Variants in ZBTB18 observed in about 807,000 individuals in gnomAD.
The protein encoded by ZBTB18 is zinc finger and BTB domain-containing protein 18.
A neutral mutation model predicts 37.7 loss-of-function variants in ZBTB18; 2 were observed. The ratio of observed to expected loss-of-function variants is 0.05; its 90% CI spans 0.02 to 0.17. ZBTB18 has a LOEUF of 0.17. Ranked by LOEUF, ZBTB18 falls within the 10% of genes least tolerant of loss-of-function variation. ZBTB18 has a pLI of 1.00. For missense variants in ZBTB18, 408 were observed against 686.3 expected, an observed-to-expected ratio of 0.59 and a Z score of 4.53; for synonymous variants, 304 against 276.5, an observed-to-expected ratio of 1.10 and a Z score of -0.99.
chr1:244,048,628 G>GCCCCCCCCCCCCCC (rs1325001619), upstream of ZBTB18, among the ~76,000 whole-genome samples: 9 of 79,492 alleles, frequency 1.1e-4, no homozygotes, highest in Non-Finnish European at 1.8e-4. Flanking sequence ...CCCCGCGCCC[G>GCCCCCCCCCCCCCC]CCCCCCCCCC....
chr1:244,051,533 A>G, intron 1 of ZBTB18, 89 bp downstream of exon 1: 1 of 1,484,900 alleles, frequency 6.7e-7, no homozygotes, highest in East Asian at 2.3e-5. Context: ...TTTCTAACCC[A>G]GTTTAGGAAT....
At chr1:244,052,962 C>T (rs2148555220) in intron 1 of ZBTB18, among the ~76,000 whole-genome samples, 1 of 152,310 alleles carries the variant, frequency 6.6e-6, no homozygotes, top group East Asian at 1.9e-4. Flanking sequence ...TTTCGGAGTT[C>T]AGTAAAGCCC....
chr1:244,053,761 T>C lies in ZBTB18; in HGVS notation c.14-27T>C. On this transcript the variant is annotated intron_variant, in intron 1 of 1. Coordinates refer to ENST00000358704, the MANE Select transcript of ZBTB18 (RefSeq NM_205768.3). The surrounding 1 kb of genome is among the most constrained non-coding windows in gnomAD (Gnocchi z 5.2). Reference sequence around the variant, plus strand: ...GCTGAAAAGTTGTTCCTGACCAGGCTCTAATGAGAAATTCCTCTCTCCCCA... The same window carrying C: ...GCTGAAAAGTTGTTCCTGACCAGGCCCTAATGAGAAATTCCTCTCTCCCCA... 2 of 1,581,024 alleles carry C rather than the reference T, an allele frequency of 1.3e-6. No homozygotes were observed. The highest frequency in any genetic ancestry group is 1.7e-6 in the Non-Finnish European group (2 of 1,162,660).
In ZBTB18 at chr1:244,053,693, G is replaced by A. The variant is rs1572530297; in HGVS notation, c.14-95G>A. ...ATTAAAATTCAGGGACATGTACCAC[G>A]GCGGCCAAAGCGGAATTAATTTTTT... On this transcript the variant is annotated intron_variant, in intron 1 of 1. Coordinates refer to ENST00000358704, the MANE Select transcript of ZBTB18 (RefSeq NM_205768.3). The surrounding 1 kb of genome is among the most constrained non-coding windows in gnomAD (Gnocchi z 5.2). 1.3e-6 allele frequency: 2 copies of A among 1,508,534 alleles called. No individual in the cohort carries two copies. The highest frequency in any genetic ancestry group is 1.4e-5 in the African/African-American group (1 of 71,402). The allele number at this position is 1,508,534 out of a possible 1,614,324, so 93.4% of individuals were successfully genotyped here.
intron 1 of ZBTB18, among the ~76,000 whole-genome samples, chr1:244,052,480 A>G (rs1654994177): frequency 6.6e-6 from 1 of 152,226 alleles, no homozygotes; most frequent in South Asian, 2.1e-4. Context: ...TAATTTCTGA[A>G]TATTAAATTA....
rs1408934897 is a variant in ZBTB18 at position 244,055,307 on chromosome 1, A to C, written c.1533A>C (p.Ala511=). 18 of 1,613,292 alleles carry C rather than the reference A, an allele frequency of 1.1e-5. No homozygotes were observed. The highest frequency in any genetic ancestry group is 1.5e-5 in the Non-Finnish European group (18 of 1,179,752). ...ACTCCTTGTCGGTCAAAAGCGAAGC[A>C]CTGAGCTTGCCTACTGTCAGAGACT... ...LVNSLSVKSE[A]LSLPTVRDWT... The change falls in exon 2 of 2, where the codon GCA becomes GCC. Residue 511 remains alanine (A), a synonymous_variant. Transcript: ENST00000358704. The surrounding 1 kb of genome is among the most constrained non-coding windows in gnomAD (Gnocchi z 7.0).
At chr1:244,048,692 C>T (rs1305187714), upstream of ZBTB18, among the ~76,000 whole-genome samples, 6 of 147,356 alleles carry the variant, frequency 4.1e-5, no homozygotes, top group African/African-American at 4.9e-5. Context: ...CTCGCTCGCT[C>T]CCTCGCTGTG....
At chr1:244,048,858 G>A (rs1176252111), upstream of ZBTB18, 1 of 146,078 alleles carries the variant, frequency 6.8e-6, no homozygotes, top group Non-Finnish European at 1.5e-5. Flanking sequence ...GGGGGGTGGG[G>A]GGGCCGGGAG....
chr1:244,052,930 G>A (rs1698382083), intron 1 of ZBTB18, among the ~76,000 whole-genome samples: 2 of 152,236 alleles, frequency 1.3e-5, no homozygotes, highest in South Asian at 4.1e-4. Context: ...GCCTTGCAAC[G>A]GATCAAAGTT....
Position 244,056,919 on chromosome 1 carries a change from G to GT in ZBTB18, c.*1554dup, listed in dbSNP as rs1698485687. 6.0e-6 allele frequency: 1 copy of GT among 166,524 alleles called. No individual in the cohort carries two copies. The highest frequency in any genetic ancestry group is 2.1e-4 in the South Asian group (1 of 4,804). 10.3% of individuals were successfully genotyped at this position (166,524 alleles called of 1,614,324 possible). A position where few individuals can be genotyped will look rare whatever the true frequency, so the allele number is the denominator to read the frequency against. ...GGGAGTAGCATGGAAAACGTTTGCT[G>GT]TTTTTCCCTTTTTTTTTTAATTGCT... On this transcript the variant is annotated 3_prime_UTR_variant, in exon 2 of 2. Transcript: ENST00000358704.
Position 244,054,832 on chromosome 1 carries a change from G to C in ZBTB18, c.1058G>C (p.Arg353Pro), listed in dbSNP as rs763985762. Residue 353 changes from arginine to proline, a missense_variant, in exon 2 of 2, where the codon CGT becomes CCT. Transcript: ENST00000358704. This position sits in a 1 kb window ranked among gnomAD's most constrained non-coding sequence, Gnocchi z 9.0. ...GAGATGATGACCCCAGAGAGCGAGCGTGTCCAGGTGGAGGGAGGCATGGAG... is the reference window on the plus strand; with the variant it reads ...GAGATGATGACCCCAGAGAGCGAGCCTGTCCAGGTGGAGGGAGGCATGGAG... The part of the protein sequence containing the change: ...DDEMMTPESE[R>P]VQVEGGMESS... 4.3e-6 allele frequency: 7 copies of C among 1,614,006 alleles called. No individual in the cohort carries two copies. The highest frequency in any genetic ancestry group is 8.5e-7 in the Non-Finnish European group (1 of 1,180,024).
rs1186062151 is a variant in ZBTB18, at chr1:244,055,717, TTTTTTTG to T, written c.*361_*367del. The T allele has an allele frequency of 6.0e-6, 1 of 165,790 alleles. No individual in the cohort carries two copies. Among genetic ancestry groups the T allele is most frequent in the East Asian group, 1.9e-4 (1 of 5,204 alleles). The allele number at this position is 165,790 out of a possible 1,614,324, so 10.3% of individuals were successfully genotyped here. Reference sequence around the variant, plus strand: ...AGCTCTTTTTTCCCCCCCAACAAAGTTTTTTTGTTTTTTGTTTTTTTTTTTAAGTAGA... The same window carrying T: ...AGCTCTTTTTTCCCCCCCAACAAAGTTTTTTTGTTTTTTTTTTTAAGTAGA... On this transcript the variant is annotated 3_prime_UTR_variant, in exon 2 of 2. Transcript: ENST00000358704. The surrounding 1 kb of genome is among the most constrained non-coding windows in gnomAD (Gnocchi z 7.0).
chr1:244,048,794 G>C (rs1267175431), upstream of ZBTB18: 1 of 148,382 alleles, frequency 6.7e-6, no homozygotes, highest in East Asian at 2.0e-4. Context: ...CCGGCTGCCA[G>C]CGGGGGTGGG....
rs1698390139 is a variant in ZBTB18 at position 244,053,377 on chromosome 1, T to G, written c.14-411T>G. Among the ~76,000 whole-genome samples the G allele has an allele frequency of 6.6e-6, 1 of 152,214 alleles. No homozygotes were observed. The highest frequency in any genetic ancestry group is 1.5e-5 in the Non-Finnish European group (1 of 68,032). On this transcript the variant is annotated intron_variant, in intron 1 of 1. Transcript: ENST00000358704. This position sits in a 1 kb window ranked among gnomAD's most constrained non-coding sequence, Gnocchi z 5.2. ...ATGTTCCAGGATATGTTTGGGACTTTTCTTTGTTTATTATATGAGTTGTTC... is the reference window on the plus strand; with the variant it reads ...ATGTTCCAGGATATGTTTGGGACTTGTCTTTGTTTATTATATGAGTTGTTC...
upstream of ZBTB18, among the ~76,000 whole-genome samples, chr1:244,049,718 A>G (rs1187611907): frequency 6.6e-6 from 1 of 151,874 alleles, no homozygotes; most frequent in African/African-American, 2.4e-5. Flanking sequence ...TGTTTTATGC[A>G]CGGCGAACTA....
chr1:244,051,266 C>G, upstream of ZBTB18: 1 of 633,540 alleles, frequency 1.6e-6, no homozygotes, highest in South Asian at 2.3e-5. Flanking sequence ...TTTATTCTAA[C>G]ACACAGACAG....
rs1254793494 is a variant in ZBTB18, at chr1:244,056,649, C to T, written c.*1279C>T. 1 of 165,244 alleles carries T rather than the reference C, an allele frequency of 6.1e-6. No individual in the cohort carries two copies. The highest frequency in any genetic ancestry group is 1.5e-5 in the Non-Finnish European group (1 of 67,878). The allele number at this position is 165,244 out of a possible 1,614,324, so 10.2% of individuals were successfully genotyped here. The stretch of plus-strand genomic sequence containing the variant: ...CTCCCCTTCCTCCTTACCCTCCCTC[C>T]CTTACTCTCCCCCCCCACCACCACC... On this transcript the variant is annotated 3_prime_UTR_variant, in exon 2 of 2. Coordinates refer to ENST00000358704, the MANE Select transcript of ZBTB18 (RefSeq NM_205768.3).
chr1:244,050,358 C>T (rs1414257051), upstream of ZBTB18, among the ~76,000 whole-genome samples: 1 of 151,858 alleles, frequency 6.6e-6, no homozygotes, highest in Non-Finnish European at 1.5e-5. Flanking sequence ...CACAAACTGG[C>T]TGAAAAGTTC....
At chr1:244,052,955 C>T (rs61833507) in intron 1 of ZBTB18, among the ~76,000 whole-genome samples, 3,146 of 152,262 alleles carry the variant, frequency 0.021, 53 homozygotes, top group Middle Eastern at 0.071. Context: ...TGAGAATTTT[C>T]GGAGTTCAGT....
Sources: gnomAD v4.1 joint callset for allele counts (sites outside exome capture counted in the v4.1 genomes callset) on GRCh38, gnomAD v4.1.1 for gene constraint, Gnocchi (gnomAD v3.1) non-coding constraint, MANE v1.5 for transcripts, NCBI Gene and HGNC (gene_info 2026-07-23, HGNC 2026-07-21) for gene names.